COG5: variants seen among roughly 807,000 people sequenced by gnomAD.
COG5 encodes conserved oligomeric Golgi complex subunit 5.
Under a neutral mutation model 110.4 loss-of-function variants are expected in COG5, and 86 were observed. The observed-to-expected ratio is 0.78, with a 90% CI of 0.65 to 0.93. The LOEUF (loss-of-function observed/expected upper bound fraction) is 0.93. Among genes scored for constraint, COG5 ranks in the 40% least tolerant of loss-of-function variants. The pLI is 0.00. For missense variants in COG5, 1,077 were observed against 987.0 expected, an observed-to-expected ratio of 1.09 and a Z score of -1.22; for synonymous variants, 360 against 334.6, an observed-to-expected ratio of 1.08 and a Z score of -0.83.
At chr7:107,425,775 T>C (rs547895869) in intron 6 of COG5, among the ~76,000 whole-genome samples, 109 of 152,286 alleles carry the variant, frequency 7.2e-4, no homozygotes, top group South Asian at 2.1e-3. Flanking sequence ...TAAACATTCA[T>C]ATAATGCTTA....
intron 10 of COG5, among the ~76,000 whole-genome samples, chr7:107,340,688 C>A (rs758114381): frequency 6.6e-6 from 1 of 152,110 alleles, no homozygotes; most frequent in Non-Finnish European, 1.5e-5. Flanking sequence ...TCACCATGAT[C>A]GAGTTGGCTT....
At chr7:107,283,876 C>A in intron 12 of COG5, 144 bp from the exon 13 acceptor site, 2 of 629,918 alleles carry the variant, frequency 3.2e-6, no homozygotes, top group East Asian at 2.8e-5. Flanking sequence ...ATTTGTTTCA[C>A]AACGTACATA....
chr7:107,237,135 T>C (rs1397224206), intron 17 of COG5, among the ~76,000 whole-genome samples: 1 of 152,178 alleles, frequency 6.6e-6, no homozygotes, highest in Non-Finnish European at 1.5e-5. Flanking sequence ...CTATACAAAT[T>C]CTTGGCAAAG....
chr7:107,406,298 A>C (rs1206084638), intron 7 of COG5, among the ~76,000 whole-genome samples: 6 of 152,152 alleles, frequency 3.9e-5, no homozygotes, highest in African/African-American at 1.4e-4. Flanking sequence ...TTCTACACCT[A>C]CCCGTGCAGA....
intron 6 of COG5, among the ~76,000 whole-genome samples, chr7:107,486,492 C>T (rs745588803): frequency 1.3e-5 from 2 of 151,770 alleles, no homozygotes; most frequent in Non-Finnish European, 2.9e-5. Context: ...AGATGCCTTA[C>T]AAATTACTCA....
intron 5 of COG5, among the ~76,000 whole-genome samples, chr7:107,530,601 CAAAAAAAAAAAA>C (rs953588412): frequency 2.1e-5 from 1 of 47,768 alleles, no homozygotes; most frequent in Non-Finnish European, 4.0e-5. Flanking sequence ...AACTCCATCT[CAAAAAAAAAAAA>C]AAAAAAAAAA....
At position 107,201,398 on chromosome 7, in the gene COG5, A is replaced by T; in HGVS notation, c.*2118T>A. The stretch of plus-strand genomic sequence containing the variant: ...TGATTTGTAAACATTCACTGAGTTT[A>T]ATTTTATTTCCACAGGGCTCACAAC... On this transcript the variant is annotated 3_prime_UTR_variant, in exon 22 of 22. Transcript: ENST00000297135. 6.5e-7 allele frequency: 1 copy of T among 1,544,488 alleles called. No homozygotes were observed. Among genetic ancestry groups the T allele is most frequent in the East Asian group, 2.3e-5 (1 of 44,330 alleles).
At chr7:107,482,902 C>T (rs910765978) in intron 6 of COG5, among the ~76,000 whole-genome samples, 1 of 152,122 alleles carries the variant, frequency 6.6e-6, no homozygotes, top group African/African-American at 2.4e-5. Flanking sequence ...AAGTACTATT[C>T]TTGCACATTT....
At chr7:107,491,098 TAGA>T (rs1797948507) in intron 6 of COG5, among the ~76,000 whole-genome samples, 1 of 152,090 alleles carries the variant, frequency 6.6e-6, no homozygotes, top group Non-Finnish European at 1.5e-5. Flanking sequence ...TAGTTTTAGG[TAGA>T]AAGTCTCTAA....
chr7:107,292,314 G>A (rs1440009919), intron 12 of COG5, among the ~76,000 whole-genome samples: 2 of 152,138 alleles, frequency 1.3e-5, no homozygotes, highest in Admixed American at 6.5e-5. Flanking sequence ...CGACTGCCAT[G>A]TCTGACCCAG....
chr7:107,517,476 A>T (rs1800008279), intron 6 of COG5, among the ~76,000 whole-genome samples: 1 of 152,180 alleles, frequency 6.6e-6, no homozygotes, highest in Admixed American at 6.5e-5. Flanking sequence ...CCAACATTCA[A>T]ATTCAGGAAA....
intron 10 of COG5, among the ~76,000 whole-genome samples, chr7:107,346,016 A>G (rs542813826): frequency 8.5e-5 from 13 of 152,310 alleles, no homozygotes; most frequent in East Asian, 1.9e-4. Context: ...AGAACCAATA[A>G]TATCTTTCAC....
chr7:107,277,476 G>C (rs1804789007), intron 14 of COG5, among the ~76,000 whole-genome samples: 1 of 152,160 alleles, frequency 6.6e-6, no homozygotes, highest in African/African-American at 2.4e-5. Context: ...AATAAGGCGA[G>C]TTGGACAAGC....
intron 6 of COG5, among the ~76,000 whole-genome samples, chr7:107,492,034 A>G (rs1050393600): frequency 6.6e-6 from 1 of 152,102 alleles, no homozygotes; most frequent in Non-Finnish European, 1.5e-5. Flanking sequence ...TTATTTTTAA[A>G]TCATCAGTTA....
chr7:107,466,963 G>A (rs1030514608), intron 6 of COG5, among the ~76,000 whole-genome samples: 2 of 152,236 alleles, frequency 1.3e-5, no homozygotes, highest in South Asian at 4.1e-4. Flanking sequence ...CAAAACTGTG[G>A]CATCAGAACT....
chr7:107,485,926 G>A (rs1407662914), intron 6 of COG5, among the ~76,000 whole-genome samples: 5 of 152,086 alleles, frequency 3.3e-5, no homozygotes, highest in Admixed American at 2.6e-4. Flanking sequence ...AATGAACTCC[G>A]AATGAGGGAT....
At position 107,281,341 on chromosome 7, in the gene COG5, CCA is replaced by C; in HGVS notation, c.1532_1533del (p.Val511GlyfsTer30). 3 of 1,613,430 alleles carry C rather than the reference CCA, an allele frequency of 1.9e-6. No homozygotes were observed. The highest frequency in any genetic ancestry group is 2.5e-6 in the Non-Finnish European group (3 of 1,179,562). ...TNLTLAVSKN[V>X]AKTIQLYSVK... ...ACACTGTATAACTGGATGGTCTTTG[CCA>C]CATTTTTTGACACAGCTAATGTGAG... is the stretch of plus-strand genomic sequence containing the variant. On this transcript the variant is annotated frameshift_variant, in exon 14 of 22. Coordinates refer to ENST00000297135, the MANE Select transcript of COG5 (RefSeq NM_006348.5). LOFTEE classifies it high-confidence loss of function.
rs142428926 is a variant in COG5, at chr7:107,232,616, T to C, written c.2092-1925A>G. Among the ~76,000 whole-genome samples the C allele has an allele frequency of 3.4e-3, 519 of 152,316 alleles. 1 individual carries two copies. Among genetic ancestry groups the C allele is most frequent in the Non-Finnish European group, 5.7e-3 (386 of 68,030 alleles). On this transcript the variant is annotated intron_variant, in intron 18 of 21. Transcript: ENST00000297135. Reference sequence around the variant, plus strand: ...CGAATGGCTGGAAAATGTATGATTATGCAAAAGATTTCTATGCCGCAGGAC... The same window carrying C: ...CGAATGGCTGGAAAATGTATGATTACGCAAAAGATTTCTATGCCGCAGGAC...
At chr7:107,547,416 A>T (rs997415030) in intron 5 of COG5, among the ~76,000 whole-genome samples, 2 of 152,210 alleles carry the variant, frequency 1.3e-5, no homozygotes, top group African/African-American at 4.8e-5. Flanking sequence ...CTAACATCAT[A>T]ATCAACAGTG....
Sources: gnomAD v4.1 joint callset for allele counts (sites outside exome capture counted in the v4.1 genomes callset) on GRCh38, gnomAD v4.1.1 for gene constraint, MANE v1.5 for transcripts, NCBI Gene and HGNC (gene_info 2026-07-23, HGNC 2026-07-21) for gene names.